The following GNG2 variants were observed in gnomAD, a reference collection of about 807,000 sequenced individuals.
GNG2 encodes the protein guanine nucleotide-binding protein G(I)/G(S)/G(O) subunit gamma-2.
GNG2 carries 5 observed loss-of-function variants against 5.5 expected under a neutral mutation model. That is an observed-to-expected ratio of 0.91 (90% CI 0.48 to 1.92). GNG2 has a LOEUF of 1.92. GNG2 is among the 30% of genes most tolerant of loss of function. The pLI is 0.01. For missense variants in GNG2, 55 were observed against 88.4 expected (o/e 0.62, Z 1.52); for synonymous variants, 28 against 32.0 (o/e 0.88, Z 0.42).
At chr14:51,831,968 G>A (rs1881205695) in intron 2 of GNG2, among the ~76,000 whole-genome samples, 1 of 152,056 alleles carries the variant, frequency 6.6e-6, no homozygotes, top group South Asian at 2.1e-4. Context: ...ATGTATCAAA[G>A]TTTTATTTTA....
intron 3 of GNG2, among the ~76,000 whole-genome samples, chr14:51,956,401 C>A (rs1889275195): frequency 1.3e-5 from 2 of 152,112 alleles, no homozygotes; most frequent in South Asian, 2.1e-4. Context: ...CCTGTGGGAT[C>A]TGTTTCTGTC....
intron 3 of GNG2, among the ~76,000 whole-genome samples, chr14:51,959,345 A>C (rs189304258): frequency 6.4e-4 from 97 of 152,154 alleles, no homozygotes; most frequent in Middle Eastern, 3.4e-3. Context: ...CACCCCCAAA[A>C]GTCTGTTGCC....
chr14:51,965,967 C>T (rs990223180), intron 3 of GNG2, among the ~76,000 whole-genome samples: 3 of 151,850 alleles, frequency 2.0e-5, no homozygotes, highest in Admixed American at 6.6e-5. Context: ...CCAGCACTTT[C>T]GGAAGCCGAG....
chr14:51,957,168 C>T (rs1417141722), intron 3 of GNG2, among the ~76,000 whole-genome samples: 1 of 152,184 alleles, frequency 6.6e-6, no homozygotes, highest in African/African-American at 2.4e-5. Flanking sequence ...TCCCACCTCT[C>T]TAACCAAGAA....
At chr14:51,897,237 G>A (rs184748435) in intron 2 of GNG2, among the ~76,000 whole-genome samples, 71 of 152,310 alleles carry the variant, frequency 4.7e-4, no homozygotes, top group African/African-American at 1.1e-3. Flanking sequence ...GAGTTGGACA[G>A]TCCAGGTCAA....
intron 2 of GNG2, among the ~76,000 whole-genome samples, chr14:51,832,781 T>G (rs911743777): frequency 2.6e-5 from 4 of 152,212 alleles, no homozygotes; most frequent in African/African-American, 9.7e-5. Flanking sequence ...TCATGTAAAT[T>G]TAATTACCTC....
At chr14:51,917,397 G>A (rs1886712434) in intron 2 of GNG2, 1 of 455,948 alleles carries the variant, frequency 2.2e-6, no homozygotes, top group Non-Finnish European at 4.4e-6. Flanking sequence ...CGACATGGCT[G>A]GTTGCCTTCA....
chr14:51,950,695 C>T lies in GNG2; in HGVS notation c.17C>T (p.Thr6Ile). The T allele has an allele frequency of 6.2e-7, 1 of 1,611,880 alleles. No individual in the cohort carries two copies. Among genetic ancestry groups the T allele is most frequent in the Non-Finnish European group, 8.5e-7 (1 of 1,178,984 alleles). Residue 6 changes from threonine to isoleucine, a missense_variant, in exon 3 of 4, where the codon ACC (threonine) becomes ATC (isoleucine). By Grantham distance (89) the Thr-to-Ile change is moderately conservative (BLOSUM62 -1). Coordinates refer to ENST00000556766, the MANE Select transcript of GNG2 (RefSeq NM_053064.5). MASNN[T>I]ASIAQARKLV... ...AGCACTCCGATGGCCAGCAACAACA[C>T]CGCCAGCATAGCACAAGCCAGGAAG...
chr14:51,829,873 C>T (rs1163446117), intron 2 of GNG2, among the ~76,000 whole-genome samples: 3 of 146,390 alleles, frequency 2.0e-5, no homozygotes, highest in African/African-American at 5.1e-5. Context: ...GACAGAGTCT[C>T]ACTCTGTCAC....
chr14:51,916,832 A>C (rs1886674759), intron 2 of GNG2, among the ~76,000 whole-genome samples: 1 of 152,134 alleles, frequency 6.6e-6, no homozygotes, highest in Non-Finnish European at 1.5e-5. Flanking sequence ...AAATTCAGAG[A>C]AGAAGGTCTG....
At chr14:51,936,781 G>A (rs1355238839) in intron 2 of GNG2, among the ~76,000 whole-genome samples, 1 of 152,040 alleles carries the variant, frequency 6.6e-6, no homozygotes, top group Admixed American at 6.6e-5. Flanking sequence ...GGCTACAAGG[G>A]ATCCTCTCAT....
At chr14:51,894,840 G>A (rs138010688) in intron 2 of GNG2, among the ~76,000 whole-genome samples, 1 of 152,100 alleles carries the variant, frequency 6.6e-6, no homozygotes, top group East Asian at 1.9e-4. Context: ...TAAAAATACT[G>A]TTGCTTCTGG....
chr14:51,966,765 T>A lies in GNG2; in HGVS notation c.*78T>A. The A allele has an allele frequency of 8.1e-7, 1 of 1,233,914 alleles. No individual in the cohort carries two copies. The highest frequency in any genetic ancestry group is 1.2e-6 in the Non-Finnish European group (1 of 837,778). The allele number at this position is 1,233,914 out of a possible 1,614,324, so 76.4% of individuals were successfully genotyped here. A position where few individuals can be genotyped will look rare whatever the true frequency, so the allele number is the denominator to read the frequency against. ...GTTTTTAGTGAAGTGGGCACCTTTC[T>A]AGTCCACGGCATTTGAAGAGAGCGA... On this transcript the variant is annotated 3_prime_UTR_variant, in exon 4 of 4. Transcript: ENST00000556766.
chr14:51,827,177 A>G (rs982828269), intron 1 of GNG2, among the ~76,000 whole-genome samples: 8 of 152,244 alleles, frequency 5.3e-5, no homozygotes, highest in African/African-American at 1.9e-4. Context: ...TTAAATCACA[A>G]TCCCTAGGAG....
intron 2 of GNG2, among the ~76,000 whole-genome samples, chr14:51,895,585 C>A (rs902250384): frequency 3.9e-5 from 6 of 152,112 alleles, no homozygotes; most frequent in Non-Finnish European, 5.9e-5. Flanking sequence ...AAATTAAGAC[C>A]ATGAACTCCC....
At chr14:51,864,628 G>T (rs1882748297) in intron 1 of GNG2, among the ~76,000 whole-genome samples, 1 of 152,146 alleles carries the variant, frequency 6.6e-6, no homozygotes. Context: ...AACCTTTATT[G>T]TAGACAGTCA....
intron 2 of GNG2, among the ~76,000 whole-genome samples, chr14:51,923,517 A>ATATGTG (rs1325958370): frequency 6.7e-6 from 1 of 148,322 alleles, no homozygotes; most frequent in East Asian, 2.0e-4. Flanking sequence ...GTATGTGTAT[A>ATATGTG]TATATGTGTA....
intron 2 of GNG2, among the ~76,000 whole-genome samples, chr14:51,948,169 C>A (rs1249803775): frequency 6.6e-6 from 1 of 152,192 alleles, no homozygotes; most frequent in Admixed American, 6.5e-5. Context: ...TGTAACTATA[C>A]CTAGCTGCAA....
intron 1 of GNG2, among the ~76,000 whole-genome samples, chr14:51,865,173 G>T (rs1483681276): frequency 6.6e-6 from 1 of 152,136 alleles, no homozygotes; most frequent in Non-Finnish European, 1.5e-5. Flanking sequence ...GGGGCCAGGG[G>T]TGGAGGGAAG....
Sources: allele counts gnomAD v4.1 joint callset (sites outside exome capture counted in the v4.1 genomes callset), GRCh38; gene constraint gnomAD v4.1.1; transcripts MANE v1.5; gene names NCBI Gene and HGNC (gene_info 2026-07-23, HGNC 2026-07-21).